Variants in IQSEC3 observed in about 807,000 individuals in gnomAD.
IQSEC3 encodes the protein IQ motif and Sec7 domain ArfGEF 3.
A neutral mutation model predicts 105.4 loss-of-function variants in IQSEC3; 50 were observed. The ratio of observed to expected loss-of-function variants is 0.47; its 90% CI spans 0.38 to 0.60. The LOEUF (loss-of-function observed/expected upper bound fraction) is 0.60. Among genes scored for constraint, IQSEC3 ranks in the 20% least tolerant of loss-of-function variants. The probability of loss-of-function intolerance (pLI) is 0.00; values close to 1 mark genes in which losing one functional copy is unlikely to be tolerated. For synonymous variants in IQSEC3, 708 were observed against 746.0 expected (o/e 0.95, Z 0.83); for missense variants, 1,415 against 1,630.0 (o/e 0.87, Z 2.27).
Position 177,191 on chromosome 12 carries a change from T to C in IQSEC3, c.*2158T>C, listed in dbSNP as rs895359957. 1.5e-5 allele frequency: 2 copies of C among 132,380 alleles called. No homozygotes were observed. The highest frequency in any genetic ancestry group is 7.2e-5 in the Admixed American group (1 of 13,976). The allele number at this position is 132,380 out of a possible 1,614,324, so 8.2% of individuals were successfully genotyped here. A position where few individuals can be genotyped will look rare whatever the true frequency, so the allele number is the denominator to read the frequency against. On this transcript the variant is annotated 3_prime_UTR_variant, in exon 14 of 14. Coordinates refer to ENST00000538872, the MANE Select transcript of IQSEC3 (RefSeq NM_001170738.2). The surrounding 1 kb of genome is among the most constrained non-coding windows in gnomAD (Gnocchi z 5.3). ...CTTACCAAGGACAGGCAGGACCCCG[T>C]CCCCTGCTCACACAGCTCTTCAAGC...
chr12:86,273 C>G (rs568959441), intron 1 of IQSEC3, among the ~76,000 whole-genome samples: 1 of 152,310 alleles, frequency 6.6e-6, no homozygotes, highest in East Asian at 1.9e-4. Flanking sequence ...GTCTTTGGCA[C>G]TGGACTCTGA....
At position 66,910 on chromosome 12, in the gene IQSEC3, C is replaced by A; in HGVS notation, c.28C>A (p.Arg10Ser). Residue 10 changes from arginine to serine, a missense_variant, in exon 1 of 14, where the codon CGC (arginine) becomes AGC (serine). By Grantham distance (110) the Arg-to-Ser change is moderately radical. Transcript: ENST00000538872. ...GGAGAGCCTGCTGGAGAATCCGGTG[C>A]GCGCCGTGCTCTACCTCAAGGAGCT... MESLLENPV[R>S]AVLYLKELTA... The A allele has an allele frequency of 1.3e-6, 2 of 1,487,782 alleles. No individual in the cohort carries two copies. Among genetic ancestry groups the A allele is most frequent in the Non-Finnish European group, 1.8e-6 (2 of 1,122,028 alleles). 92.2% of individuals were successfully genotyped at this position (1,487,782 alleles called of 1,614,324 possible). A position where few individuals can be genotyped will look rare whatever the true frequency, so the allele number is the denominator to read the frequency against.
rs548260631 is a variant in IQSEC3 at position 99,925 on chromosome 12, G to A, written c.623+711G>A. Among the ~76,000 whole-genome samples, 259 of 151,752 alleles carry A rather than the reference G, an allele frequency of 1.7e-3. 2 individuals carry two copies. Among genetic ancestry groups the A allele is most frequent in the Middle Eastern group, 3.4e-3 (1 of 292 alleles). On this transcript the variant is annotated intron_variant, in intron 2 of 13. Transcript: ENST00000538872. ...GTTTCTCCTCTTCTGTGCCCACGTC[G>A]TGCTCCCCACCCGCCCCCCGATCTG...
In IQSEC3 at chr12:171,333, C is replaced by A. The variant is rs782350996; in HGVS notation, c.3114+172C>A. On this transcript the variant is annotated intron_variant, in intron 13 of 13. Transcript: ENST00000538872. ...AAAGTTACTGCTAGCATGGGTAATG[C>A]CACTGTTCCAGCGCCTAATTAAGCC... The A allele has an allele frequency of 7.4e-6, 12 of 1,611,684 alleles. No homozygotes were observed. The African/African-American group carries it at 1.5e-4, about 20-fold the overall frequency.
chr12:115,062 G>A (rs138041737), intron 2 of IQSEC3, among the ~76,000 whole-genome samples: 8 of 152,330 alleles, frequency 5.3e-5, no homozygotes, highest in East Asian at 1.9e-4. Flanking sequence ...AGATAAGGAC[G>A]TTAACTGCAG....
At chr12:86,807 G>C (rs533111686) in intron 1 of IQSEC3, among the ~76,000 whole-genome samples, 2 of 151,962 alleles carry the variant, frequency 1.3e-5, no homozygotes, top group Admixed American at 6.5e-5. Context: ...TACAGTTCAG[G>C]AGACCGAGGC....
At chr12:108,352 T>C (rs535244261) in intron 2 of IQSEC3, among the ~76,000 whole-genome samples, 1 of 152,256 alleles carries the variant, frequency 6.6e-6, no homozygotes, top group Non-Finnish European at 1.5e-5. Flanking sequence ...TTATATGAGC[T>C]TCAGGGCTTG....
At chr12:100,905 T>C (rs1412519802) in intron 2 of IQSEC3, among the ~76,000 whole-genome samples, 1 of 152,156 alleles carries the variant, frequency 6.6e-6, no homozygotes, top group Non-Finnish European at 1.5e-5. Flanking sequence ...CTGAGTTCCC[T>C]GGCCCCTCCC....
At chr12:163,871 A>G (rs529925604) in intron 9 of IQSEC3, among the ~76,000 whole-genome samples, 246 of 152,090 alleles carry the variant, frequency 1.6e-3, no homozygotes, top group Non-Finnish European at 2.9e-3. Context: ...TGGTTGCACA[A>G]ACTGTTAACG....
At chr12:156,860 G>A (rs1555094401) in intron 5 of IQSEC3, among the ~76,000 whole-genome samples, 165 bp from the exon 6 acceptor site, 1 of 152,168 alleles carries the variant, frequency 6.6e-6, no homozygotes, top group Admixed American at 6.5e-5. Context: ...TACTGTGGCA[G>A]GTGGGAGGAG....
At chr12:79,433 T>A (rs546174511) in intron 1 of IQSEC3, among the ~76,000 whole-genome samples, 1 of 152,280 alleles carries the variant, frequency 6.6e-6, no homozygotes, top group African/African-American at 2.4e-5. Flanking sequence ...TTAATGTAAT[T>A]CACCTTTTCC....
intron 11 of IQSEC3, among the ~76,000 whole-genome samples, chr12:168,510 G>T (rs1014837611): frequency 2.6e-5 from 4 of 152,218 alleles, no homozygotes; most frequent in African/African-American, 9.7e-5. Flanking sequence ...ACTGATACAG[G>T]TTGGTGCTAA....
rs79536747 is a variant in IQSEC3 at position 173,267 on chromosome 12, C to T, written c.3115-1332C>T. On this transcript the variant is annotated intron_variant, in intron 13 of 13. Transcript: ENST00000538872. Reference sequence around the variant, plus strand: ...TTCGTTTGTTTAGGGAGACCTCAGGCCTGGAACATGTGCTGAGGTTGGAGG... The same window carrying T: ...TTCGTTTGTTTAGGGAGACCTCAGGTCTGGAACATGTGCTGAGGTTGGAGG... Among the ~76,000 whole-genome samples, 1,285 of 152,214 alleles carry T rather than the reference C, an allele frequency of 8.4e-3. 11 individuals carry two copies. Among genetic ancestry groups the T allele is most frequent in the African/African-American group, 0.029 (1,192 of 41,526 alleles).
chr12:122,074 A>G (rs1865236874), intron 2 of IQSEC3, among the ~76,000 whole-genome samples: 1 of 152,158 alleles, frequency 6.6e-6, no homozygotes, highest in African/African-American at 2.4e-5. Flanking sequence ...TCTTCTAGGT[A>G]AGTCTATGGA....
At position 66,853 on chromosome 12, in the gene IQSEC3, G is replaced by A. The variant is rs1175493801; in HGVS notation, c.-30G>A. 19 of 1,379,448 alleles carry A rather than the reference G, an allele frequency of 1.4e-5. No individual in the cohort carries two copies. The highest frequency in any genetic ancestry group is 2.6e-4 in the Middle Eastern group (1 of 3,876). 85.5% of individuals were successfully genotyped at this position (1,379,448 alleles called of 1,614,324 possible). A position where few individuals can be genotyped will look rare whatever the true frequency, so the allele number is the denominator to read the frequency against. ...CGCGCTCCCCGCCGCCAGCCCAGGC[G>A]CAGGCAGGGCGCAGGCGGCGGCGGG... On this transcript the variant is annotated 5_prime_UTR_variant, in exon 1 of 14. Coordinates refer to ENST00000538872, the MANE Select transcript of IQSEC3 (RefSeq NM_001170738.2).
chr12:117,748 C>T (rs1865095485), intron 2 of IQSEC3, among the ~76,000 whole-genome samples: 1 of 152,200 alleles, frequency 6.6e-6, no homozygotes, highest in Non-Finnish European at 1.5e-5. Context: ...AGAACTTCTT[C>T]TCTCCTTGGG....
chr12:98,432 C>T (rs1370454280), intron 1 of IQSEC3, among the ~76,000 whole-genome samples: 1 of 152,168 alleles, frequency 6.6e-6, no homozygotes, highest in African/African-American at 2.4e-5. Context: ...TAAAAATTTC[C>T]TCATGATTCT....
At position 161,820 on chromosome 12, in the gene IQSEC3, C is replaced by T. The variant is rs566772593; in HGVS notation, c.2444-106C>T. On this transcript the variant is annotated intron_variant, in intron 7 of 13. Transcript: ENST00000538872. ...AAGGCATGGCAAGAACCAAGGCCAC[C>T]CCCCGGGAGCTCCAGGCTGGATGGG... 6 of 1,190,874 alleles carry T rather than the reference C, an allele frequency of 5.0e-6. No homozygotes were observed. The East Asian group carries it at 1.3e-4, about 26-fold the overall frequency. 73.8% of individuals were successfully genotyped at this position (1,190,874 alleles called of 1,614,324 possible).
At chr12:148,258 A>G (rs1332873873) in intron 5 of IQSEC3, 1 of 152,156 alleles carries the variant, frequency 6.6e-6, no homozygotes, top group Non-Finnish European at 1.5e-5. Flanking sequence ...CTTGTTAGCA[A>G]TGCAAACTCT....
Sources: allele counts gnomAD v4.1 joint callset (sites outside exome capture counted in the v4.1 genomes callset), GRCh38; gene constraint gnomAD v4.1.1; non-coding constraint Gnocchi (gnomAD v3.1); transcripts MANE v1.5; gene names NCBI Gene and HGNC (gene_info 2026-07-23, HGNC 2026-07-21).